Variants in CSMD3 observed in about 807,000 individuals in gnomAD.
CSMD3 encodes CUB and Sushi multiple domains 3, also known as CUB and sushi domain-containing protein 3.
Under a neutral mutation model 435.2 loss-of-function variants are expected in CSMD3, and 177 were observed. The observed-to-expected ratio is 0.41, with a 90% CI of 0.36 to 0.46. The LOEUF (loss-of-function observed/expected upper bound fraction) is 0.46, where lower values mean the gene tolerates loss of function less well. Ranked by LOEUF, CSMD3 falls within the 20% of genes least tolerant of loss-of-function variation. The pLI is 0.34. For synonymous variants in CSMD3, 1,656 were observed against 1,520.5 expected, an observed-to-expected ratio of 1.09 and a Z score of -2.07; for missense variants, 4,265 against 4,504.6, an observed-to-expected ratio of 0.95 and a Z score of 1.52.
At chr8:112,699,965 T>G (rs572350119) in intron 13 of CSMD3, among the ~76,000 whole-genome samples, 1 of 152,212 alleles carries the variant, frequency 6.6e-6, no homozygotes, top group East Asian at 1.9e-4. Context: ...CACGTGTGTG[T>G]GTGTGCGTGC....
chr8:113,334,773 T>C (rs1245377916), intron 1 of CSMD3, among the ~76,000 whole-genome samples: 2 of 152,132 alleles, frequency 1.3e-5, no homozygotes, highest in African/African-American at 4.8e-5. Flanking sequence ...ATTTATTTCA[T>C]ATCAGAGGAA....
At chr8:112,735,405 T>C (rs865971039) in intron 13 of CSMD3, among the ~76,000 whole-genome samples, 7 of 151,856 alleles carry the variant, frequency 4.6e-5, no homozygotes, top group Admixed American at 2.6e-4. Flanking sequence ...ATCTTACTAA[T>C]GATAAAAAAT....
intron 10 of CSMD3, among the ~76,000 whole-genome samples, chr8:112,868,497 T>C (rs2081046403): frequency 6.6e-6 from 1 of 152,116 alleles, no homozygotes; most frequent in Non-Finnish European, 1.5e-5. Flanking sequence ...CAAAAACACA[T>C]GAGTAACATG....
At chr8:113,289,306 A>G (rs944819302) in intron 2 of CSMD3, among the ~76,000 whole-genome samples, 3 of 151,836 alleles carry the variant, frequency 2.0e-5, no homozygotes, top group African/African-American at 7.2e-5. Flanking sequence ...CATTATTGAT[A>G]GCTATAACAA....
chr8:112,800,318 C>T (rs766712326), intron 12 of CSMD3, 44 bp from the exon 13 acceptor site: 18 of 1,144,448 alleles, frequency 1.6e-5, no homozygotes, highest in Middle Eastern at 3.8e-4. Context: ...GTTATTAAAA[C>T]ATCCTCTGCA....
chr8:112,231,687 C>T (rs1813102061), intron 68 of CSMD3, 55 bp from the exon 69 acceptor site: 2 of 1,023,898 alleles, frequency 2.0e-6, no homozygotes, highest in African/African-American at 3.2e-5. Context: ...GCTATATTTT[C>T]CCAGCCTTAA....
At chr8:112,469,840 T>G (rs938903408) in intron 32 of CSMD3, among the ~76,000 whole-genome samples, 1 of 152,020 alleles carries the variant, frequency 6.6e-6, no homozygotes, top group East Asian at 1.9e-4. Context: ...CATCTGTATA[T>G]GAAACATATA....
At chr8:113,138,426 T>G (rs139023460) in intron 4 of CSMD3, among the ~76,000 whole-genome samples, 19 of 151,626 alleles carry the variant, frequency 1.3e-4, no homozygotes, top group African/African-American at 3.9e-4. Context: ...TGCTGCCATT[T>G]TAAATTGTAG....
intron 13 of CSMD3, among the ~76,000 whole-genome samples, chr8:112,695,432 C>G (rs2131847971): frequency 6.6e-6 from 1 of 152,168 alleles, no homozygotes; most frequent in East Asian, 1.9e-4. Flanking sequence ...TCAACATATG[C>G]AAATCAATAA....
At chr8:113,382,504 GATT>G (rs1588635981) in intron 1 of CSMD3, among the ~76,000 whole-genome samples, 1 of 151,990 alleles carries the variant, frequency 6.6e-6, no homozygotes, top group African/African-American at 2.4e-5. Context: ...TAACTAAGTG[GATT>G]ATAGCATAAT....
At chr8:113,026,054 G>A (rs761995009) in intron 5 of CSMD3, among the ~76,000 whole-genome samples, 4 of 152,096 alleles carry the variant, frequency 2.6e-5, no homozygotes, top group Non-Finnish European at 5.9e-5. Flanking sequence ...CAGGGATAGG[G>A]GGTGCACATA....
At chr8:113,389,853 G>C (rs2094454281) in intron 1 of CSMD3, among the ~76,000 whole-genome samples, 1 of 151,788 alleles carries the variant, frequency 6.6e-6, no homozygotes, top group South Asian at 2.1e-4. Flanking sequence ...TGAAAAGTGA[G>C]CACAGTAAAA....
chr8:113,310,572 CAAG>C (rs2093859885), intron 2 of CSMD3: 1 of 151,454 alleles, frequency 6.6e-6, no homozygotes, highest in South Asian at 2.1e-4. Flanking sequence ...GGTTATCAAA[CAAG>C]AGAATATGTT....
chr8:112,752,545 A>C (rs1002808248), intron 13 of CSMD3, among the ~76,000 whole-genome samples: 1 of 152,192 alleles, frequency 6.6e-6, no homozygotes, highest in Admixed American at 6.5e-5. Flanking sequence ...TAGAGGATAC[A>C]ATATCATCAT....
At chr8:112,554,559 A>G (rs1346147419) in intron 25 of CSMD3, among the ~76,000 whole-genome samples, 1 of 151,926 alleles carries the variant, frequency 6.6e-6, no homozygotes, top group African/African-American at 2.4e-5. Context: ...ATTAATTTAT[A>G]GTCAATTAGA....
At chr8:113,147,835 TTTG>T (rs903500068) in intron 4 of CSMD3, among the ~76,000 whole-genome samples, 6 of 151,664 alleles carry the variant, frequency 4.0e-5, no homozygotes, top group African/African-American at 1.5e-4. Context: ...ATAACAAATC[TTTG>T]TTAATTCCCT....
intron 11 of CSMD3, among the ~76,000 whole-genome samples, chr8:112,834,099 T>C (rs780812660): frequency 5.9e-5 from 9 of 151,930 alleles, no homozygotes; most frequent in Admixed American, 1.3e-4. Flanking sequence ...TTATTTTGCC[T>C]AAATTGTAAC....
At position 113,389,005 on chromosome 8, in the gene CSMD3, A is replaced by G. The variant is rs1057328863; in HGVS notation, c.178+47672T>C. On this transcript the variant is annotated intron_variant, in intron 1 of 70. Coordinates refer to ENST00000297405, the MANE Select transcript of CSMD3 (RefSeq NM_198123.2). ...CTTTCTCTTCTCTTTTTCTACCTCT[A>G]CCTCATTACTGGGTAATATTTGTAA... Among the ~76,000 whole-genome samples the G allele has an allele frequency of 2.8e-5, 4 of 144,166 alleles. No homozygotes were observed. In the East Asian group the frequency reaches 8.4e-4, roughly 30 times the overall value. 94.6% of individuals were successfully genotyped at this position (144,166 alleles called of 152,430 possible). A position where few individuals can be genotyped will look rare whatever the true frequency, so the allele number is the denominator to read the frequency against.
At chr8:112,729,870 G>T (rs1206368146) in intron 13 of CSMD3, among the ~76,000 whole-genome samples, 1 of 152,114 alleles carries the variant, frequency 6.6e-6, no homozygotes, top group Non-Finnish European at 1.5e-5. Flanking sequence ...GAGCAGCCCT[G>T]TCAGATTTCA....
Sources: allele counts gnomAD v4.1 joint callset (sites outside exome capture counted in the v4.1 genomes callset), GRCh38; gene constraint gnomAD v4.1.1; transcripts MANE v1.5; gene names NCBI Gene and HGNC (gene_info 2026-07-23, HGNC 2026-07-21).